The following DIP2A variants were observed in gnomAD, a reference collection of about 807,000 sequenced individuals.
DIP2A encodes the protein disco-interacting protein 2 homolog A.
A neutral mutation model predicts 177.4 loss-of-function variants in DIP2A; 85 were observed. That is an observed-to-expected ratio of 0.48 (90% CI 0.40 to 0.57). The LOEUF is 0.57. Among genes scored for constraint, DIP2A ranks in the 20% least tolerant of loss-of-function variants. The probability of loss-of-function intolerance (pLI) is 0.00; values close to 1 mark genes in which losing one functional copy is unlikely to be tolerated. For missense variants in DIP2A, 1,791 were observed against 2,100.2 expected, an observed-to-expected ratio of 0.85 and a Z score of 2.88; for synonymous variants, 886 against 881.8, an observed-to-expected ratio of 1.00 and a Z score of -0.08.
rs372192105 is a variant in DIP2A, at chr21:46,461,245, C to T, written c.91+2023C>T. Among the ~76,000 whole-genome samples the T allele has an allele frequency of 2.6e-5, 3 of 116,422 alleles. No individual in the cohort carries two copies. In the East Asian group the frequency reaches 7.4e-4, roughly 29 times the overall value. 76.4% of individuals were successfully genotyped at this position (116,422 alleles called of 152,430 possible). A position where few individuals can be genotyped will look rare whatever the true frequency, so the allele number is the denominator to read the frequency against. ...CACTGGAGCACTCCAGCCTGGGCAACAGAGCGAGAACCTGTCTCTTCTCAC... is the reference window on the plus strand; with the variant it reads ...CACTGGAGCACTCCAGCCTGGGCAATAGAGCGAGAACCTGTCTCTTCTCAC... On this transcript the variant is annotated intron_variant, in intron 1 of 37. Coordinates refer to ENST00000417564, the MANE Select transcript of DIP2A (RefSeq NM_015151.4).
chr21:46,510,565 CTTTTTAAA>C (rs1166308802), intron 7 of DIP2A, among the ~76,000 whole-genome samples: 1 of 149,498 alleles, frequency 6.7e-6, no homozygotes, highest in Non-Finnish European at 1.5e-5. Flanking sequence ...AAGATTAATT[CTTTTTAAA>C]GTAAAAAACA....
rs1473995967 is a variant in DIP2A at position 46,567,695 on chromosome 21, G to A, written c.*73G>A. ...CCAAGGTGTGATGTGGGAAGACACC[G>A]CAGAGCTCACTCACCGGGACTCGCC... On this transcript the variant is annotated 3_prime_UTR_variant, in exon 38 of 38. Transcript: ENST00000417564. 5.3e-6 allele frequency: 8 copies of A among 1,508,250 alleles called. No homozygotes were observed. Among genetic ancestry groups the A allele is most frequent in the East Asian group, 4.6e-5 (2 of 43,574 alleles). The allele number at this position is 1,508,250 out of a possible 1,614,324, so 93.4% of individuals were successfully genotyped here. A position where few individuals can be genotyped will look rare whatever the true frequency, so the allele number is the denominator to read the frequency against.
intron 1 of DIP2A, among the ~76,000 whole-genome samples, chr21:46,465,340 G>C (rs2054716323): frequency 6.6e-6 from 1 of 152,094 alleles, no homozygotes; most frequent in Admixed American, 6.5e-5. Flanking sequence ...GGCCGAGGTG[G>C]TTGGATCACC....
At chr21:46,554,441 A>G in intron 26 of DIP2A, 134 bp from the exon 27 acceptor site, 3 of 1,538,320 alleles carry the variant, frequency 2.0e-6, no homozygotes, top group South Asian at 1.2e-5. Flanking sequence ...CAGCTCAGCT[A>G]CCCCTGTGGA....
intron 8 of DIP2A, among the ~76,000 whole-genome samples, chr21:46,526,229 C>T (rs1465589695): frequency 6.6e-6 from 1 of 151,954 alleles, no homozygotes; most frequent in Non-Finnish European, 1.5e-5. Flanking sequence ...ATTATTGAGT[C>T]TTCCAGCCCT....
intron 34 of DIP2A, among the ~76,000 whole-genome samples, chr21:46,562,062 C>T (rs990037536): frequency 3.9e-5 from 6 of 152,174 alleles, no homozygotes; most frequent in Non-Finnish European, 7.3e-5. Context: ...AAAGAACTCC[C>T]GCTGGGTGGG....
intron 8 of DIP2A, among the ~76,000 whole-genome samples, chr21:46,512,056 G>GC: frequency 6.6e-6 from 1 of 152,174 alleles, no homozygotes; most frequent in East Asian, 1.9e-4. Flanking sequence ...TAGGTTCAAA[G>GC]CCCCTCACAC....
chr21:46,567,247 C>T, intron 37 of DIP2A, 123 bp from the exon 38 acceptor site: 1 of 1,388,256 alleles, frequency 7.2e-7, no homozygotes, highest in Non-Finnish European at 9.8e-7. Context: ...TTGTAAATGG[C>T]CTTAAATAGC....
rs1250874257 is a variant in DIP2A, at chr21:46,550,671, G to C, written c.2766G>C (p.Leu922=). ...ETKQRFLEGT[L]HPCNVLMCPH... Reference sequence around the variant, plus strand: ...AACAGCGCTTTCTGGAAGGGACGCTGCACCCGTGTAATGTGCTGATGTGCC... The same window carrying C: ...AACAGCGCTTTCTGGAAGGGACGCTCCACCCGTGTAATGTGCTGATGTGCC... Residue 922 remains leucine, a synonymous_variant, in exon 23 of 38, where the codon CTG becomes CTC. Transcript: ENST00000417564. 7 of 1,613,998 alleles carry C rather than the reference G, an allele frequency of 4.3e-6. No homozygotes were observed. The highest frequency in any genetic ancestry group is 5.9e-6 in the Non-Finnish European group (7 of 1,179,890).
chr21:46,466,063 A>G (rs898753729), intron 1 of DIP2A, among the ~76,000 whole-genome samples: 2 of 152,250 alleles, frequency 1.3e-5, no homozygotes, highest in Non-Finnish European at 2.9e-5. Flanking sequence ...GAAAAAATTT[A>G]TCTGCTACAG....
At chr21:46,560,603 C>A in intron 32 of DIP2A, 119 bp from the exon 33 acceptor site, 3 of 1,392,266 alleles carry the variant, frequency 2.2e-6, no homozygotes, top group South Asian at 1.4e-5. Flanking sequence ...GGGAGCAGAG[C>A]TGCTACCTTC....
chr21:46,583,287 A>T, the DIP2A span, among the ~76,000 whole-genome samples: 1 of 152,218 alleles, frequency 6.6e-6, no homozygotes, highest in Non-Finnish European at 1.5e-5. Flanking sequence ...TCAATGTCTC[A>T]CTTTCTATAA....
intron 28 of DIP2A, among the ~76,000 whole-genome samples, chr21:46,555,269 G>A (rs1310409723): frequency 1.3e-5 from 2 of 152,206 alleles, no homozygotes; most frequent in Non-Finnish European, 2.9e-5. Flanking sequence ...ACCGCATGCC[G>A]CCACTCCAGC....
intron 17 of DIP2A, 27 bp from the exon 18 acceptor site, chr21:46,541,729 T>A: frequency 6.2e-7 from 1 of 1,613,642 alleles, no homozygotes; most frequent in Non-Finnish European, 8.5e-7. Context: ...CCTCGTCAGT[T>A]AAACCCATGG....
the DIP2A span, among the ~76,000 whole-genome samples, chr21:46,579,829 T>C: frequency 1.3e-5 from 2 of 152,186 alleles, no homozygotes; most frequent in Non-Finnish European, 2.9e-5. Flanking sequence ...TGTTATAATT[T>C]CAGTTCTTTT....
chr21:46,533,433 C>G, intron 10 of DIP2A, 91 bp from the exon 11 acceptor site: 1 of 1,440,840 alleles, frequency 6.9e-7, no homozygotes, highest in South Asian at 1.4e-5. Flanking sequence ...AAAAAAAGAT[C>G]TGTTCTCTGT....
At position 46,473,199 on chromosome 21, in the gene DIP2A, A is replaced by G. The variant is rs542216249; in HGVS notation, c.92-11558A>G. 9.8e-4 allele frequency among the ~76,000 whole-genome samples: 149 copies of G among 152,280 alleles called. 1 individual carries two copies. Among genetic ancestry groups the G allele is most frequent in the African/African-American group, 3.3e-3 (137 of 41,560 alleles). On this transcript the variant is annotated intron_variant, in intron 1 of 37. Coordinates refer to ENST00000417564, the MANE Select transcript of DIP2A (RefSeq NM_015151.4). ...AATATGTGTACACATTCAAGAACTC[A>G]GTGAATCTTGTAAACAGATGTCAAT...
At chr21:46,564,280 A>AGGC (rs1184017351) in intron 35 of DIP2A, among the ~76,000 whole-genome samples, 1 of 152,234 alleles carries the variant, frequency 6.6e-6, no homozygotes, top group Non-Finnish European at 1.5e-5. Context: ...CCTGGCACCC[A>AGGC]GGCAGGAGCA....
Position 46,567,631 on chromosome 21 carries a change from CA to C in DIP2A, c.*10del. ...TCGCCTACAACATGTGAGCGCAGCA[CA>C]CCGGCCCAGGTGCCGGAGATGAATG... On this transcript the variant is annotated 3_prime_UTR_variant, in exon 38 of 38. Coordinates refer to ENST00000417564, the MANE Select transcript of DIP2A (RefSeq NM_015151.4). The C allele has an allele frequency of 6.4e-7, 1 of 1,572,062 alleles. No homozygotes were observed. Among genetic ancestry groups the C allele is most frequent in the South Asian group, 1.2e-5 (1 of 84,116 alleles).
Sources: gnomAD v4.1 joint callset for allele counts (sites outside exome capture counted in the v4.1 genomes callset) on GRCh38, gnomAD v4.1.1 for gene constraint, MANE v1.5 for transcripts, NCBI Gene and HGNC (gene_info 2026-07-23, HGNC 2026-07-21) for gene names.